The following HS2ST1 variants were observed in gnomAD, a reference collection of about 807,000 sequenced individuals.
HS2ST1 encodes the protein heparan sulfate 2-O-sulfotransferase 1.
HS2ST1 carries 18 observed loss-of-function variants against 42.9 expected under a neutral mutation model. The ratio of observed to expected loss-of-function variants is 0.42; its 90% confidence interval spans 0.29 to 0.62. The LOEUF (loss-of-function observed/expected upper bound fraction) is 0.62, where lower values mean the gene tolerates loss of function less well. HS2ST1 is among the 20% of genes least tolerant of loss of function. The probability of loss-of-function intolerance (pLI) is 0.21; values close to 1 mark genes in which losing one functional copy is unlikely to be tolerated. For synonymous variants in HS2ST1, 146 were observed against 152.9 expected, an observed-to-expected ratio of 0.95 and a Z score of 0.33; for missense variants, 334 against 433.8, an observed-to-expected ratio of 0.77 and a Z score of 2.04.
chr1:87,035,477 A>T (rs1650349944), intron 1 of HS2ST1, among the ~76,000 whole-genome samples: 1 of 152,186 alleles, frequency 6.6e-6, no homozygotes, highest in African/African-American at 2.4e-5. Context: ...CATGGCCTAG[A>T]AGATTTTCTG....
At chr1:86,933,706 ATTTTT>A (rs58580477) in intron 1 of HS2ST1, among the ~76,000 whole-genome samples, 30 of 129,200 alleles carry the variant, frequency 2.3e-4, no homozygotes, top group African/African-American at 8.0e-4. Context: ...ATGCCTTGTA[ATTTTT>A]TTTTTTTTTT....
chr1:87,081,984 A>G (rs936163067), intron 2 of HS2ST1, among the ~76,000 whole-genome samples: 2 of 150,418 alleles, frequency 1.3e-5, no homozygotes, highest in African/African-American at 5.0e-5. Context: ...AAAAAAAAAA[A>G]GAAAAAAAAG....
intron 1 of HS2ST1, among the ~76,000 whole-genome samples, chr1:87,006,939 T>C (rs1435128078): frequency 6.6e-6 from 1 of 152,112 alleles, no homozygotes; most frequent in African/African-American, 2.4e-5. Flanking sequence ...CTAGTACTTT[T>C]TTTCTCTACA....
chr1:87,080,231 G>GA (rs987298497), intron 2 of HS2ST1, among the ~76,000 whole-genome samples: 2 of 152,160 alleles, frequency 1.3e-5, no homozygotes, highest in African/African-American at 4.8e-5. Context: ...ATAATAAAAA[G>GA]ACAAGGGAAC....
intron 1 of HS2ST1, among the ~76,000 whole-genome samples, chr1:86,928,846 A>G (rs1176346443): frequency 1.3e-5 from 2 of 151,922 alleles, no homozygotes; most frequent in Non-Finnish European, 2.9e-5. Context: ...AAAATAAGGG[A>G]TATGTATGAC....
intron 1 of HS2ST1, among the ~76,000 whole-genome samples, chr1:86,930,555 T>C (rs1660522570): frequency 6.6e-6 from 1 of 151,956 alleles, no homozygotes; most frequent in Non-Finnish European, 1.5e-5. Context: ...GGGAGTTATC[T>C]TGTAGAATAA....
At chr1:86,964,019 C>T (rs1366965610) in intron 1 of HS2ST1, among the ~76,000 whole-genome samples, 1 of 149,370 alleles carries the variant, frequency 6.7e-6, no homozygotes, top group Non-Finnish European at 1.5e-5. Flanking sequence ...GGCAGAGACG[C>T]TCCTCACCTC....
intron 1 of HS2ST1, among the ~76,000 whole-genome samples, chr1:86,976,488 A>G (rs115891655): frequency 0.024 from 3,653 of 152,106 alleles, 47 homozygotes; most frequent in South Asian, 0.053. Context: ...TTGGTTAGGT[A>G]TAATTAGAAT....
chr1:87,049,540 A>G (rs1257907817), intron 1 of HS2ST1, among the ~76,000 whole-genome samples: 1 of 151,898 alleles, frequency 6.6e-6, no homozygotes, highest in Non-Finnish European at 1.5e-5. Flanking sequence ...GGTTACTTGA[A>G]GTGTGTTATT....
chr1:86,965,362 T>C (rs564090740), intron 1 of HS2ST1, among the ~76,000 whole-genome samples: 1 of 152,224 alleles, frequency 6.6e-6, no homozygotes, highest in South Asian at 2.1e-4. Context: ...TTCCCCCCTC[T>C]GCACAGCTCC....
intron 1 of HS2ST1, among the ~76,000 whole-genome samples, chr1:87,033,885 T>C (rs1376590726): frequency 6.6e-6 from 1 of 152,178 alleles, no homozygotes; most frequent in Non-Finnish European, 1.5e-5. Context: ...ACTTTGACTT[T>C]TGTTGACTTA....
chr1:87,056,149 GAGTT>G (rs1336605225), intron 1 of HS2ST1, among the ~76,000 whole-genome samples: 1 of 152,172 alleles, frequency 6.6e-6, no homozygotes, highest in Non-Finnish European at 1.5e-5. Flanking sequence ...AGTCTTGAGG[GAGTT>G]AGTGAGTCCT....
At chr1:86,970,096 G>A (rs1201813341) in intron 1 of HS2ST1, among the ~76,000 whole-genome samples, 1 of 149,382 alleles carries the variant, frequency 6.7e-6, no homozygotes, top group Non-Finnish European at 1.5e-5. Flanking sequence ...TTGCACTCCA[G>A]CCTGGGCAAC....
chr1:87,042,191 A>G (rs927999163), intron 1 of HS2ST1, among the ~76,000 whole-genome samples: 1 of 152,020 alleles, frequency 6.6e-6, no homozygotes, highest in East Asian at 1.9e-4. Context: ...TTTGCTATTG[A>G]GTTATAGCAG....
Position 86,920,916 on chromosome 1 carries a change from T to C in HS2ST1, c.124+5756T>C, listed in dbSNP as rs568265415. 7.2e-5 allele frequency among the ~76,000 whole-genome samples: 11 copies of C among 152,276 alleles called. 1 individual carries two copies. Among genetic ancestry groups the C allele is most frequent in the African/African-American group, 2.6e-4 (11 of 41,552 alleles). On this transcript the variant is annotated intron_variant, in intron 1 of 6. Transcript: ENST00000370550. ...GCTTTCCCTCATTCTCCTGTCACAA[T>C]GTATTCTTGAAAATTGCTAAGAGAG...
rs1212493638 is a variant in HS2ST1 at position 87,001,236 on chromosome 1, CATA to C, written c.125-71695_125-71693del. On this transcript the variant is annotated intron_variant, in intron 1 of 6. Coordinates refer to ENST00000370550, the MANE Select transcript of HS2ST1 (RefSeq NM_012262.4). ...GATTTACTGTACACAGGCTACTCCT[CATA>C]ATCCATTGCTTATCTTTTTGAACCA... Among the ~76,000 whole-genome samples the C allele has an allele frequency of 9.9e-5, 15 of 152,184 alleles. No homozygotes were observed. The East Asian group carries it at 2.9e-3, about 29-fold the overall frequency.
intron 1 of HS2ST1, among the ~76,000 whole-genome samples, chr1:86,932,766 A>T (rs764449149): frequency 2.0e-5 from 3 of 152,184 alleles, no homozygotes; most frequent in Non-Finnish European, 4.4e-5. Flanking sequence ...AATCCAGGTT[A>T]GGTTATTGTG....
intron 2 of HS2ST1, among the ~76,000 whole-genome samples, chr1:87,081,165 A>G (rs1200665408): frequency 1.3e-5 from 2 of 152,146 alleles, no homozygotes; most frequent in Admixed American, 6.6e-5. Context: ...AGACAGAAAA[A>G]CCACAAAGAA....
At chr1:87,092,727 A>C in intron 4 of HS2ST1, 58 bp downstream of exon 4, 1 of 1,071,046 alleles carries the variant, frequency 9.3e-7, no homozygotes, top group Non-Finnish European at 1.3e-6. Flanking sequence ...TGCAGTGAGC[A>C]ATGTGCTTTT....
Sources: gnomAD v4.1 joint callset for allele counts (sites outside exome capture counted in the v4.1 genomes callset) on GRCh38, gnomAD v4.1.1 for gene constraint, MANE v1.5 for transcripts, NCBI Gene and HGNC (gene_info 2026-07-23, HGNC 2026-07-21) for gene names.